Variants in FHAD1 observed in about 807,000 individuals in gnomAD.
FHAD1 encodes the protein forkhead-associated domain-containing protein 1.
In FHAD1, 146 loss-of-function variants were observed where a neutral mutation model predicts 191.3. The ratio of observed to expected loss-of-function variants is 0.76; its 90% CI spans 0.67 to 0.88. FHAD1 has a LOEUF of 0.88. FHAD1 is among the 40% of genes least tolerant of loss of function. FHAD1 has a pLI of 0.00. For missense variants in FHAD1, 1,635 were observed against 1,785.8 expected (o/e 0.92, Z 1.52); for synonymous variants, 616 against 672.3 (o/e 0.92, Z 1.29).
At chr1:15,382,655 G>A (rs930960919) in intron 31 of FHAD1, among the ~76,000 whole-genome samples, 7 of 152,194 alleles carry the variant, frequency 4.6e-5, no homozygotes, top group African/African-American at 1.7e-4. Flanking sequence ...TGGGCAGATG[G>A]ATGTCCTTGA....
intron 5 of FHAD1, among the ~76,000 whole-genome samples, chr1:15,298,975 C>G (rs1398111910): frequency 2.0e-5 from 3 of 151,196 alleles, no homozygotes; most frequent in Non-Finnish European, 2.9e-5. Flanking sequence ...TCAAGCCCAG[C>G]CTGGGCAACA....
At chr1:15,383,116 C>T (rs1381937000) in intron 31 of FHAD1, 2 of 471,400 alleles carry the variant, frequency 4.2e-6, no homozygotes, top group Admixed American at 4.7e-5. Flanking sequence ...CGACCTTGTG[C>T]AGATCTCTTT....
intron 10 of FHAD1, among the ~76,000 whole-genome samples, chr1:15,321,219 A>T (rs1232319898): frequency 6.6e-6 from 1 of 152,250 alleles, no homozygotes; most frequent in East Asian, 1.9e-4. Context: ...GGCGTGAGCC[A>T]CAATGCCTGG....
chr1:15,328,448 T>C lies in FHAD1; in HGVS notation c.1710+19T>C. On this transcript the variant is annotated intron_variant, in intron 13 of 33. Transcript: ENST00000688493. ...CTGCCAGGTGGCCCCTCCTTACGCT[T>C]TCCACAAATGGTCTCTTTGTCTAAT... 7.0e-7 allele frequency: 1 copy of C among 1,434,322 alleles called. No homozygotes were observed. Among genetic ancestry groups the C allele is most frequent in the Non-Finnish European group, 9.2e-7 (1 of 1,089,940 alleles). 88.8% of individuals were successfully genotyped at this position (1,434,322 alleles called of 1,614,324 possible). A position where few individuals can be genotyped will look rare whatever the true frequency, so the allele number is the denominator to read the frequency against.
chr1:15,288,150 G>A (rs1663168781), intron 3 of FHAD1, among the ~76,000 whole-genome samples: 1 of 152,150 alleles, frequency 6.6e-6, no homozygotes, highest in African/African-American at 2.4e-5. Context: ...CCTGTGCTGG[G>A]TAAATCCCTT....
At chr1:15,242,218 G>A (rs1475119502) in intron 1 of FHAD1, among the ~76,000 whole-genome samples, 1 of 128,324 alleles carries the variant, frequency 7.8e-6, no homozygotes, top group East Asian at 2.3e-4. Context: ...GGGCAACAGA[G>A]CAAGACTCCA....
At chr1:15,308,520 A>C in intron 6 of FHAD1, 93 bp from the exon 7 acceptor site, 1 of 1,495,382 alleles carries the variant, frequency 6.7e-7, no homozygotes, top group Non-Finnish European at 9.0e-7. Flanking sequence ...GCCAAAACTC[A>C]ATCTGAATCT....
chr1:15,360,685 T>C lies in FHAD1; in HGVS notation c.2944T>C (p.Leu982=), dbSNP rs1694492112. 3 of 1,551,598 alleles carry C rather than the reference T, an allele frequency of 1.9e-6. No individual in the cohort carries two copies. Among genetic ancestry groups the C allele is most frequent in the African/African-American group, 2.7e-5 (2 of 73,116 alleles). Residue 982 remains leucine, a synonymous_variant, in exon 22 of 34, where the codon TTG becomes CTG. Coordinates refer to ENST00000688493, the MANE Select transcript of FHAD1 (RefSeq NM_001391957.1). ...HKKIEGEIAT[L]KDNDPAPKEE... ...AAAAATAGAAGGCGAGATTGCAACA[T>C]TGAAGGACAATGACCCAGGTAAGTC...
intron 20 of FHAD1, 138 bp from the exon 21 acceptor site, chr1:15,357,972 T>C (rs1214746911): frequency 6.4e-6 from 4 of 624,734 alleles, no homozygotes; most frequent in Admixed American, 3.7e-5. Context: ...AGAGAAGGCA[T>C]GGACTTTGTG....
At chr1:15,351,700 C>A (rs576746288) in intron 19 of FHAD1, among the ~76,000 whole-genome samples, 48 of 151,728 alleles carry the variant, frequency 3.2e-4, no homozygotes, top group African/African-American at 1.1e-3. Context: ...CACCACGGGG[C>A]ATGCAGAAGA....
chr1:15,377,681 A>C (rs764194445), intron 28 of FHAD1, among the ~76,000 whole-genome samples: 10 of 152,086 alleles, frequency 6.6e-5, no homozygotes, highest in Non-Finnish European at 1.2e-4. Flanking sequence ...TCTACAAAAA[A>C]TTAGCCAGGC....
chr1:15,291,846 A>G (rs1664876631), intron 4 of FHAD1, among the ~76,000 whole-genome samples: 1 of 152,186 alleles, frequency 6.6e-6, no homozygotes, highest in South Asian at 2.1e-4. Context: ...TGACAGCAGG[A>G]AGCCTCAGTT....
upstream of FHAD1, among the ~76,000 whole-genome samples, chr1:15,243,040 G>GAC (rs1472749776): frequency 3.3e-5 from 5 of 152,330 alleles, no homozygotes; most frequent in South Asian, 8.3e-4. Context: ...GGATGGTACA[G>GAC]ACAGACCCCC....
At chr1:15,337,004 G>C (rs1007325466) in intron 14 of FHAD1, among the ~76,000 whole-genome samples, 1 of 152,160 alleles carries the variant, frequency 6.6e-6, no homozygotes, top group African/African-American at 2.4e-5. Context: ...CTGCACTTCC[G>C]GGCTTCCCCA....
At chr1:15,330,594 G>A (rs986187088) in intron 14 of FHAD1, among the ~76,000 whole-genome samples, 2 of 152,216 alleles carry the variant, frequency 1.3e-5, no homozygotes, top group African/African-American at 4.8e-5. Context: ...GGTGACAATT[G>A]CTATGAAGTG....
At chr1:15,335,748 A>G (rs1407700420) in intron 14 of FHAD1, among the ~76,000 whole-genome samples, 1 of 152,222 alleles carries the variant, frequency 6.6e-6, no homozygotes, top group Non-Finnish European at 1.5e-5. Flanking sequence ...CAGAAGTATA[A>G]GAAAGACTTG....
At position 15,329,335 on chromosome 1, in the gene FHAD1, C is replaced by T; in HGVS notation, c.1711-11C>T. On this transcript the variant is annotated splice_polypyrimidine_tract_variant and intron_variant, in intron 13 of 33. Transcript: ENST00000688493. The surrounding 1 kb of genome is among the most constrained non-coding windows in gnomAD (Gnocchi z 5.0). Reference sequence around the variant, plus strand: ...AGGGCCTGGGCTCCTCATGATCTCACCTCTTTGCAGGCTTGCATGAAAATA... The same window carrying T: ...AGGGCCTGGGCTCCTCATGATCTCATCTCTTTGCAGGCTTGCATGAAAATA... 1.3e-6 allele frequency: 2 copies of T among 1,535,086 alleles called. No homozygotes were observed. The highest frequency in any genetic ancestry group is 1.4e-5 in the African/African-American group (1 of 72,874).
rs1479287580 is a variant in FHAD1 at position 15,362,719 on chromosome 1, C to T, written c.3040C>T (p.His1014Tyr). Residue 1014 changes from histidine to tyrosine, a missense_variant, in exon 23 of 34, where the codon CAT (histidine) becomes TAT (tyrosine). Physicochemically the swap from His to Tyr is moderately conservative, Grantham distance 83. Coordinates refer to ENST00000688493, the MANE Select transcript of FHAD1 (RefSeq NM_001391957.1). ...CAGTGCCAAAGACATGGCGTACGAA[C>T]ATCTGATGTGAGTACCCGTGGGTGT... ...ESSAKDMAYE[H>Y]LIDDLLAAQK... The T allele has an allele frequency of 3.9e-6, 6 of 1,551,522 alleles. No homozygotes were observed. The highest frequency in any genetic ancestry group is 1.2e-5 in the South Asian group (1 of 84,062).
Position 15,324,065 on chromosome 1 carries a change from T to C in FHAD1, c.1366-387T>C, listed in dbSNP as rs56174148. Among the ~76,000 whole-genome samples the C allele has an allele frequency of 3.4e-3, 517 of 152,302 alleles. 1 individual carries two copies. Among genetic ancestry groups the C allele is most frequent in the Non-Finnish European group, 5.5e-3 (371 of 68,020 alleles). ...CTTATAGAGCCCTTACGAAGCGCTG[T>C]CACTATTCCAAACTTTTTAAAATCC... is the stretch of plus-strand genomic sequence containing the variant. On this transcript the variant is annotated intron_variant, in intron 10 of 33. Transcript: ENST00000688493.
Sources: gnomAD v4.1 joint callset for allele counts (sites outside exome capture counted in the v4.1 genomes callset) on GRCh38, gnomAD v4.1.1 for gene constraint, Gnocchi (gnomAD v3.1) non-coding constraint, MANE v1.5 for transcripts, NCBI Gene and HGNC (gene_info 2026-07-23, HGNC 2026-07-21) for gene names.